Variants in TACR3 observed in about 807,000 individuals in gnomAD.
The protein encoded by TACR3 is neuromedin-K receptor.
In TACR3, 34 loss-of-function variants were observed where a neutral mutation model predicts 35.0. The observed-to-expected ratio is 0.97, with a 90% confidence interval of 0.74 to 1.30. The LOEUF is 1.30. Ranked by LOEUF, TACR3 falls within the 50% of genes most tolerant of loss-of-function variation. The pLI is 0.00. For missense variants in TACR3, 558 were observed against 591.7 expected (o/e 0.94, Z 0.59); for synonymous variants, 233 against 221.1 (o/e 1.05, Z -0.48).
intron 3 of TACR3, among the ~76,000 whole-genome samples, chr4:103,617,170 T>C (rs979042205): frequency 5.9e-5 from 9 of 152,060 alleles, no homozygotes; most frequent in African/African-American, 1.9e-4. Flanking sequence ...AGAAACAAAA[T>C]GAGCAAATAT....
intron 1 of TACR3, among the ~76,000 whole-genome samples, chr4:103,714,357 G>T (rs1723037558): frequency 6.6e-6 from 1 of 151,972 alleles, no homozygotes; most frequent in African/African-American, 2.4e-5. Context: ...TATATTTATT[G>T]CTTTCACTAT....
chr4:103,703,984 G>A (rs1722724895), intron 1 of TACR3, among the ~76,000 whole-genome samples: 1 of 151,582 alleles, frequency 6.6e-6, no homozygotes, highest in South Asian at 2.1e-4. Flanking sequence ...GGCGCCTCTA[G>A]TCCCAGCTAT....
chr4:103,599,238 T>A (rs967708002), intron 3 of TACR3, among the ~76,000 whole-genome samples: 1 of 152,006 alleles, frequency 6.6e-6, no homozygotes, highest in African/African-American at 2.4e-5. Flanking sequence ...AGTTCACTCA[T>A]GATTTGGCTC....
intron 3 of TACR3, among the ~76,000 whole-genome samples, chr4:103,650,410 G>C (rs957613963): frequency 2.2e-5 from 3 of 133,928 alleles, no homozygotes; most frequent in Non-Finnish European, 3.1e-5. Context: ...GTATACATAC[G>C]TAACAAACCT....
At position 103,643,091 on chromosome 4, in the gene TACR3, G is replaced by C. The variant is rs968460318; in HGVS notation, c.888+13103C>G. ...AGGTTTTGTAATAACTACTGGATTT[G>C]CTTTATTGTTTTTATGCCTTTTTAG... On this transcript the variant is annotated intron_variant, in intron 3 of 4. Transcript: ENST00000304883. Among the ~76,000 whole-genome samples the C allele has an allele frequency of 2.6e-5, 4 of 151,754 alleles. No individual in the cohort carries two copies. In the South Asian group the frequency reaches 6.2e-4, roughly 24 times the overall value.
chr4:103,715,362 C>T (rs983193276), intron 1 of TACR3, among the ~76,000 whole-genome samples: 7 of 152,134 alleles, frequency 4.6e-5, no homozygotes, highest in African/African-American at 1.7e-4. Flanking sequence ...CACATTCCCT[C>T]TCTCACTCTT....
rs181454968 is a variant in TACR3 at position 103,632,348 on chromosome 4, G to A, written c.888+23846C>T. Among the ~76,000 whole-genome samples, 754 of 152,218 alleles carry A rather than the reference G, an allele frequency of 5.0e-3. 5 individuals are homozygous for A. Among genetic ancestry groups the A allele is most frequent in the Non-Finnish European group, 8.3e-3 (567 of 68,004 alleles). ...GTACCTATACCTCCTGGAATACTAT[G>A]CAGCCACAAAGAGAAATGAGATCAT... On this transcript the variant is annotated intron_variant, in intron 3 of 4. Coordinates refer to ENST00000304883, the MANE Select transcript of TACR3 (RefSeq NM_001059.3).
Position 103,593,957 on chromosome 4 carries a change from G to C in TACR3, c.889-2274C>G, listed in dbSNP as rs574195493. 1.4e-4 allele frequency among the ~76,000 whole-genome samples: 21 copies of C among 151,926 alleles called. 1 individual carries two copies. The highest frequency in any genetic ancestry group is 4.8e-4 in the African/African-American group (20 of 41,428). ...CCTAGACTGGACTTCATACATAAAG[G>C]GTACTCAGAAATTTTTTAAATGAAC... is the stretch of plus-strand genomic sequence containing the variant. On this transcript the variant is annotated intron_variant, in intron 3 of 4. Transcript: ENST00000304883.
intron 4 of TACR3, 115 bp from the exon 5 acceptor site, chr4:103,590,109 G>A: frequency 7.8e-7 from 1 of 1,289,288 alleles, no homozygotes; most frequent in Non-Finnish European, 1.1e-6. Context: ...TTTGAGTTTG[G>A]TTTTTAGCCA....
intron 1 of TACR3, among the ~76,000 whole-genome samples, chr4:103,692,432 T>G (rs1041175425): frequency 1.3e-5 from 2 of 152,120 alleles, no homozygotes; most frequent in Non-Finnish European, 2.9e-5. Context: ...AGAATTAAGA[T>G]GAGAAATAAT....
chr4:103,701,269 A>G (rs1339206770), intron 1 of TACR3, among the ~76,000 whole-genome samples: 2 of 151,924 alleles, frequency 1.3e-5, no homozygotes, highest in Non-Finnish European at 1.5e-5. Flanking sequence ...ACAAACAGAG[A>G]GCCAAATCAT....
At chr4:103,682,861 A>C (rs530458119) in intron 1 of TACR3, among the ~76,000 whole-genome samples, 3 of 152,254 alleles carry the variant, frequency 2.0e-5, no homozygotes, top group South Asian at 4.1e-4. Flanking sequence ...TGGCTGTAGA[A>C]TTCATGTTAA....
chr4:103,633,405 A>G (rs1312215943), intron 3 of TACR3, among the ~76,000 whole-genome samples: 1 of 95,894 alleles, frequency 1.0e-5, no homozygotes, highest in Non-Finnish European at 2.5e-5. Context: ...AATTTATTTT[A>G]TTATTATTTT....
chr4:103,719,047 A>G (rs1312723159), intron 1 of TACR3, 81 bp downstream of exon 1: 1 of 1,577,048 alleles, frequency 6.3e-7, no homozygotes, highest in Non-Finnish European at 8.7e-7. Context: ...TTACGTTACT[A>G]TTTCCTTTGT....
intron 1 of TACR3, among the ~76,000 whole-genome samples, chr4:103,662,051 T>C (rs1388377941): frequency 6.6e-6 from 1 of 152,134 alleles, no homozygotes; most frequent in African/African-American, 2.4e-5. Context: ...GCCAAGTGTA[T>C]ACATGAACTG....
At chr4:103,656,087 G>T (rs1725728088) in intron 3 of TACR3, 107 bp downstream of exon 3, 12 of 1,371,302 alleles carry the variant, frequency 8.8e-6, no homozygotes, top group Non-Finnish European at 4.1e-6. Context: ...TTAAAAACAG[G>T]AGTAGAGCAT....
At chr4:103,668,076 C>A (rs373333514) in intron 1 of TACR3, among the ~76,000 whole-genome samples, 17 of 152,234 alleles carry the variant, frequency 1.1e-4, no homozygotes, top group East Asian at 9.7e-4. Context: ...AAGTGATGAG[C>A]CCACCTCAGT....
At chr4:103,718,225 T>C (rs999515470) in intron 1 of TACR3, among the ~76,000 whole-genome samples, 37 of 152,178 alleles carry the variant, frequency 2.4e-4, no homozygotes, top group African/African-American at 8.0e-4. Flanking sequence ...AATAAGAACA[T>C]TGAGACTTCA....
At chr4:103,595,880 C>A (rs909071904) in intron 3 of TACR3, among the ~76,000 whole-genome samples, 8 of 145,852 alleles carry the variant, frequency 5.5e-5, no homozygotes, top group Non-Finnish European at 1.2e-4. Context: ...AGGTATATCT[C>A]CCAATGCTAT....
Sources: allele counts gnomAD v4.1 joint callset (sites outside exome capture counted in the v4.1 genomes callset), GRCh38; gene constraint gnomAD v4.1.1; transcripts MANE v1.5; gene names NCBI Gene and HGNC (gene_info 2026-07-23, HGNC 2026-07-21).